Variants in PRH1 observed in about 807,000 individuals in gnomAD.
PRH1 encodes salivary acidic proline-rich phosphoprotein 1/2.
In PRH1, 7 loss-of-function variants were observed where a neutral mutation model predicts 7.9. The ratio of observed to expected loss-of-function variants is 0.89; its 90% CI spans 0.50 to 1.67. The LOEUF is 1.67. Among genes scored for constraint, PRH1 ranks in the 40% most tolerant of loss-of-function variants. The probability of loss-of-function intolerance (pLI) is 0.00; values close to 1 mark genes in which losing one functional copy is unlikely to be tolerated. For synonymous variants in PRH1, 45 were observed against 80.8 expected (o/e 0.56, Z 2.38); for missense variants, 109 against 223.6 (o/e 0.49, Z 3.27).
intron 2 of PRH1, chr12:10,964,915 CACA>C: frequency 3.4e-6 from 2 of 585,592 alleles, no homozygotes; most frequent in Middle Eastern, 3.0e-4. Context: ...CCATGTTTAC[CACA>C]ACAAGATGAC....
chr12:11,115,442 A>G (rs1390473682), intron 1 of PRH1, among the ~76,000 whole-genome samples: 1 of 152,200 alleles, frequency 6.6e-6, no homozygotes, highest in African/African-American at 2.4e-5. Flanking sequence ...CCTCAATACA[A>G]TAATAGATGG....
intron 2 of PRH1, chr12:10,895,414 G>T (rs1214794850): frequency 6.6e-6 from 1 of 152,182 alleles, no homozygotes; most frequent in African/African-American, 2.4e-5. Flanking sequence ...CCCGTTCTTA[G>T]ATTAAACTAT....
At chr12:11,021,135 C>T (rs1469116615) in intron 1 of PRH1, among the ~76,000 whole-genome samples, 4 of 55,038 alleles carry the variant, frequency 7.3e-5, no homozygotes, top group African/African-American at 1.7e-4. Flanking sequence ...GCATCATTAA[C>T]TAACAACAAT....
chr12:11,153,314 T>C (rs1947157957), intron 1 of PRH1, among the ~76,000 whole-genome samples: 1 of 152,134 alleles, frequency 6.6e-6, no homozygotes, highest in Non-Finnish European at 1.5e-5. Context: ...AAAGTCCTTA[T>C]CTCCTATAGC....
At chr12:11,145,261 G>A (rs1424367967) in intron 1 of PRH1, among the ~76,000 whole-genome samples, 2 of 152,080 alleles carry the variant, frequency 1.3e-5, no homozygotes, top group Admixed American at 6.6e-5. Context: ...GCGCAATCTC[G>A]GGTCACTGCA....
chr12:11,150,617 C>T (rs961418641), intron 1 of PRH1, among the ~76,000 whole-genome samples: 3 of 151,568 alleles, frequency 2.0e-5, no homozygotes, highest in Non-Finnish European at 4.4e-5. Context: ...GGGAATTGAA[C>T]AATGAGAACA....
chr12:10,904,437 G>A (rs533180069), intron 2 of PRH1, among the ~76,000 whole-genome samples: 40 of 152,164 alleles, frequency 2.6e-4, no homozygotes, highest in Middle Eastern at 3.4e-3. Context: ...AAAGGACTCT[G>A]TATTCAGTAA....
chr12:11,042,819 C>T (rs370154038), intron 1 of PRH1, among the ~76,000 whole-genome samples: 1 of 151,520 alleles, frequency 6.6e-6, no homozygotes, highest in South Asian at 2.1e-4. Flanking sequence ...TTAGTAGAGA[C>T]GGGGTTTCAC....
At chr12:11,006,818 A>G (rs927020952) in intron 1 of PRH1, among the ~76,000 whole-genome samples, 2 of 152,130 alleles carry the variant, frequency 1.3e-5, no homozygotes, top group Non-Finnish European at 2.9e-5. Context: ...GATGAGTTCA[A>G]TGCTGCATTT....
upstream of PRH1, chr12:11,049,274 G>GA (rs1283265555): frequency 1.2e-4 from 23 of 192,886 alleles, no homozygotes; most frequent in East Asian, 4.5e-4. Flanking sequence ...CAAATGAAAA[G>GA]AAAGAAAAAA....
chr12:11,083,393 T>G (rs1944558525), intron 1 of PRH1, among the ~76,000 whole-genome samples: 1 of 119,806 alleles, frequency 8.3e-6, no homozygotes, highest in Non-Finnish European at 2.0e-5. Context: ...CTTACTATCA[T>G]AATGCTGTAT....
At chr12:10,931,551 G>A (rs1464611981) in intron 2 of PRH1, among the ~76,000 whole-genome samples, 3 of 152,074 alleles carry the variant, frequency 2.0e-5, no homozygotes, top group Non-Finnish European at 4.4e-5. Context: ...AGTCATACAT[G>A]CTTAAGCTAA....
Position 10,883,089 on chromosome 12 carries a change from G to A in PRH1, c.72C>T (p.Ser24=). 6.2e-7 allele frequency: 1 copy of A among 1,613,184 alleles called. No homozygotes were observed. The highest frequency in any genetic ancestry group is 8.5e-7 in the Non-Finnish European group (1 of 1,179,160). Reference sequence around the variant, plus strand: ...ATATTACGAGGGGAACATCTTCCTGGCTGACATCTAGAAAAGAAGTACAGG... The same window carrying A: ...ATATTACGAGGGGAACATCTTCCTGACTGACATCTAGAAAAGAAGTACAGG... ...SSAQDLNEDV[S]QEDVPLVISD... is the part of the protein sequence containing the mutation. Residue 24 remains serine (S), a synonymous_variant, in exon 2 of 4, where the codon AGC becomes AGT. Transcript: ENST00000543626.
chr12:11,150,528 G>A (rs2136424819), intron 1 of PRH1, among the ~76,000 whole-genome samples: 1 of 152,226 alleles, frequency 6.6e-6, no homozygotes, highest in African/African-American at 2.4e-5. Flanking sequence ...TAGGGACATG[G>A]ATGAAATTGG....
At chr12:11,120,096 TGAAAGA>T (rs1048852909), downstream of PRH1, among the ~76,000 whole-genome samples, 2 of 152,160 alleles carry the variant, frequency 1.3e-5, no homozygotes, top group African/African-American at 4.8e-5. Flanking sequence ...GTTTCCTCTT[TGAAAGA>T]GAATTACTTT....
chr12:10,953,800 A>G (rs1937808020), intron 2 of PRH1, among the ~76,000 whole-genome samples: 1 of 152,134 alleles, frequency 6.6e-6, no homozygotes, highest in Non-Finnish European at 1.5e-5. Context: ...TATACCCAAG[A>G]CACATAGTCA....
chr12:11,156,020 A>G (rs569867867), intron 1 of PRH1, among the ~76,000 whole-genome samples: 1 of 152,214 alleles, frequency 6.6e-6, no homozygotes, highest in Non-Finnish European at 1.5e-5. Context: ...ATTGTTCTAT[A>G]CAGTCAATAG....
At chr12:10,997,617 C>CATTAATAGTAGATTTTTTT (rs1418541217) in intron 1 of PRH1, 1 of 1,613,832 alleles carries the variant, frequency 6.2e-7, no homozygotes. Context: ...ACTGCCCAGG[C>CATTAATAGTAGATTTTTTT]ATTAGAAATA....
chr12:11,121,617 A>T (rs1945907191), intron 1 of PRH1, among the ~76,000 whole-genome samples: 2 of 152,174 alleles, frequency 1.3e-5, no homozygotes, highest in Admixed American at 1.3e-4. Context: ...CATTCCTATT[A>T]TACAAACGAA....
Sources: allele counts gnomAD v4.1 joint callset (sites outside exome capture counted in the v4.1 genomes callset), GRCh38; gene constraint gnomAD v4.1.1; transcripts MANE v1.5; gene names NCBI Gene and HGNC (gene_info 2026-07-23, HGNC 2026-07-21).